PHKB: variants seen among roughly 807,000 people sequenced by gnomAD.
The protein encoded by PHKB is phosphorylase b kinase regulatory subunit beta.
PHKB carries 122 observed loss-of-function variants against 152.1 expected under a neutral mutation model. The observed-to-expected ratio is 0.80, with a 90% CI of 0.69 to 0.93. PHKB has a LOEUF of 0.93. PHKB is among the 40% of genes least tolerant of loss of function. The pLI is 0.00. For synonymous variants in PHKB, 436 were observed against 464.9 expected, an observed-to-expected ratio of 0.94 and a Z score of 0.80; for missense variants, 1,304 against 1,328.4, an observed-to-expected ratio of 0.98 and a Z score of 0.29.
In PHKB at chr16:47,596,531, G is replaced by C; in HGVS notation, c.1363G>C (p.Ala455Pro). The stretch of plus-strand genomic sequence containing the variant: ...ACTTTATATCATCGCAAAACTCCTG[G>C]GTAAGTGGAGAAGATTGGGAATGGT... ...QALYIIAKLL[A>P]DELISPKDID... Residue 455 changes from alanine to proline, a missense_variant and splice_region_variant, in exon 13 of 31, where the codon GCT (alanine) becomes CCT (proline). Physicochemically the swap from Ala to Pro is conservative, Grantham distance 27. Coordinates refer to ENST00000323584, the MANE Select transcript of PHKB (RefSeq NM_000293.3). 7 of 1,613,138 alleles carry C rather than the reference G, an allele frequency of 4.3e-6. No individual in the cohort carries two copies. Among genetic ancestry groups the C allele is most frequent in the Non-Finnish European group, 5.9e-6 (7 of 1,179,328 alleles).
intron 20 of PHKB, among the ~76,000 whole-genome samples, chr16:47,654,612 C>CTATGTGTA (rs1973299921): frequency 1.3e-5 from 2 of 152,078 alleles, no homozygotes; most frequent in Admixed American, 1.3e-4. Context: ...CCATGGAATA[C>CTATGTGTA]TATGCAGCCA....
At chr16:47,573,972 T>C (rs931989916) in intron 7 of PHKB, among the ~76,000 whole-genome samples, 3 of 152,196 alleles carry the variant, frequency 2.0e-5, no homozygotes, top group Non-Finnish European at 2.9e-5. Flanking sequence ...CAAGCTGGAT[T>C]GCAGTGGTGC....
intron 7 of PHKB, among the ~76,000 whole-genome samples, chr16:47,550,942 T>C (rs1971259953): frequency 6.6e-6 from 1 of 152,210 alleles, no homozygotes; most frequent in Non-Finnish European, 1.5e-5. Flanking sequence ...GGTTTAGTCT[T>C]GGGAGGGTGT....
intron 13 of PHKB, among the ~76,000 whole-genome samples, chr16:47,599,551 T>C (rs1203294808): frequency 6.6e-6 from 1 of 152,128 alleles, no homozygotes; most frequent in East Asian, 1.9e-4. Flanking sequence ...AGGTCTTGAG[T>C]GAAGATAGTA....
chr16:47,625,899 G>A (rs780493537), intron 14 of PHKB, among the ~76,000 whole-genome samples: 2 of 152,086 alleles, frequency 1.3e-5, no homozygotes, highest in Non-Finnish European at 2.9e-5. Context: ...AGGCTAAGTT[G>A]GATGCTCCCT....
In PHKB at chr16:47,610,057, A is replaced by G. The variant is rs576031304; in HGVS notation, c.1364-769A>G. On this transcript the variant is annotated intron_variant, in intron 13 of 30. Coordinates refer to ENST00000323584, the MANE Select transcript of PHKB (RefSeq NM_000293.3). ...GCCCAGGCTGGAGTACAGTGGCACA[A>G]TCTTGGCTCACTGCACCTTCCACCT... 2.6e-5 allele frequency among the ~76,000 whole-genome samples: 4 copies of G among 151,506 alleles called. No individual in the cohort carries two copies. The East Asian group carries it at 7.8e-4, about 29-fold the overall frequency.
intron 6 of PHKB, among the ~76,000 whole-genome samples, chr16:47,522,874 T>C (rs899097136): frequency 6.6e-6 from 1 of 152,036 alleles, no homozygotes; most frequent in African/African-American, 2.4e-5. Flanking sequence ...ATTTATAATT[T>C]CATTCCATGA....
intron 7 of PHKB, among the ~76,000 whole-genome samples, chr16:47,560,438 G>T (rs1971456891): frequency 6.6e-6 from 1 of 152,160 alleles, no homozygotes; most frequent in Non-Finnish European, 1.5e-5. Context: ...AAAATGCACA[G>T]GAAAGGTTAG....
At chr16:47,534,544 G>A (rs1259825146) in intron 6 of PHKB, among the ~76,000 whole-genome samples, 1 of 152,106 alleles carries the variant, frequency 6.6e-6, no homozygotes, top group Non-Finnish European at 1.5e-5. Context: ...ATAACCTTTA[G>A]GCAAGAACTG....
At chr16:47,591,409 T>C (rs568666857) in intron 10 of PHKB, among the ~76,000 whole-genome samples, 1 of 152,320 alleles carries the variant, frequency 6.6e-6, no homozygotes, top group East Asian at 1.9e-4. Context: ...TTTACATTAC[T>C]GAGTCGGAGT....
At chr16:47,682,563 G>C (rs2142094902) in intron 26 of PHKB, among the ~76,000 whole-genome samples, 2 of 152,264 alleles carry the variant, frequency 1.3e-5, no homozygotes, top group South Asian at 4.1e-4. Context: ...ATCGGCTCCT[G>C]AGGCTTCTGC....
At chr16:47,519,264 A>C (rs1472476362) in intron 6 of PHKB, among the ~76,000 whole-genome samples, 2 of 152,172 alleles carry the variant, frequency 1.3e-5, no homozygotes, top group African/African-American at 4.8e-5. Context: ...TGACACATGG[A>C]ATTTCTCTCT....
At position 47,589,221 on chromosome 16, in the gene PHKB, C is replaced by G; in HGVS notation, c.1068+119C>G. The G allele has an allele frequency of 4.4e-6, 3 of 674,600 alleles. 1 individual carries two copies. The South Asian group carries it at 5.7e-5, about 13-fold the overall frequency. The allele number at this position is 674,600 out of a possible 1,614,324, so 41.8% of individuals were successfully genotyped here. ...ACTTACTAGCTATGTGGCCCTGGGC[C>G]AGTTAATTAATCTCTGTCTGTGTTT... On this transcript the variant is annotated intron_variant, in intron 10 of 30. Coordinates refer to ENST00000323584, the MANE Select transcript of PHKB (RefSeq NM_000293.3).
chr16:47,694,644 T>C (rs964977896), intron 28 of PHKB, among the ~76,000 whole-genome samples: 1 of 152,230 alleles, frequency 6.6e-6, no homozygotes, highest in African/African-American at 2.4e-5. Flanking sequence ...AGTAGTTTCA[T>C]TTGACTGTCA....
intron 20 of PHKB, among the ~76,000 whole-genome samples, chr16:47,656,529 G>C (rs750509636): frequency 2.0e-5 from 3 of 152,106 alleles, no homozygotes; most frequent in Non-Finnish European, 4.4e-5. Context: ...AAAAATTGTG[G>C]TAAAACATGC....
chr16:47,557,040 G>T (rs1368202897), intron 7 of PHKB, among the ~76,000 whole-genome samples: 2 of 152,076 alleles, frequency 1.3e-5, no homozygotes, highest in African/African-American at 2.4e-5. Flanking sequence ...CAGAAATATA[G>T]ATCAATGGAA....
At chr16:47,609,545 GTGTGTGTT>G (rs1002143113) in intron 13 of PHKB, among the ~76,000 whole-genome samples, 7 of 143,812 alleles carry the variant, frequency 4.9e-5, no homozygotes, top group African/African-American at 1.8e-4. Context: ...GTGGATGTGT[GTGTGTGTT>G]TGTGTGTGTG....
In PHKB at chr16:47,650,914, G is replaced by A. The variant is rs756158798; in HGVS notation, c.1964G>A (p.Arg655His). ...GGAGGAGTCAAAGTTCATGTGGATC[G>A]TCTACAGGTAGCCTTCTGATTTTCA... ...IIGGVKVHVD[R>H]LQTLISGAVV... is the part of the protein sequence containing the mutation. The change falls in exon 20 of 31, where the codon CGT becomes CAT. Residue 655 changes from arginine to histidine, a missense_variant. Arg to His is a conservative substitution (Grantham distance 29). Coordinates refer to ENST00000323584, the MANE Select transcript of PHKB (RefSeq NM_000293.3). 1.5e-5 allele frequency: 24 copies of A among 1,608,058 alleles called. No homozygotes were observed. The highest frequency in any genetic ancestry group is 1.7e-4 in the Middle Eastern group (1 of 6,050).
intron 22 of PHKB, among the ~76,000 whole-genome samples, chr16:47,661,047 G>C (rs1391832017): frequency 6.6e-6 from 1 of 152,138 alleles, no homozygotes; most frequent in East Asian, 1.9e-4. Context: ...GTTTGTCTTG[G>C]ATATACAAGT....
Sources: gnomAD v4.1 joint callset for allele counts (sites outside exome capture counted in the v4.1 genomes callset) on GRCh38, gnomAD v4.1.1 for gene constraint, MANE v1.5 for transcripts, NCBI Gene and HGNC (gene_info 2026-07-23, HGNC 2026-07-21) for gene names.